The following RTL4 variants were observed in gnomAD, a reference collection of about 807,000 sequenced individuals.
The protein encoded by RTL4 is retrotransposon Gag like 4, also known as retrotransposon Gag-like protein 4.
In RTL4, 4 loss-of-function variants were observed where a neutral mutation model predicts 5.3. The ratio of observed to expected loss-of-function variants is 0.75; its 90% CI spans 0.37 to 1.72. The LOEUF is 1.72. RTL4 is among the 40% of genes most tolerant of loss of function. The probability of loss-of-function intolerance (pLI) is 0.04; values close to 1 mark genes in which losing one functional copy is unlikely to be tolerated. For synonymous variants in RTL4, 98 were observed against 87.3 expected, an observed-to-expected ratio of 1.12 and a Z score of -0.68; for missense variants, 260 against 227.1, an observed-to-expected ratio of 1.14 and a Z score of -0.93.
chrX:112,302,522 A>C, the RTL4 span, among the ~76,000 whole-genome samples: 1 of 112,299 alleles, frequency 8.9e-6, no homozygotes, highest in Non-Finnish European at 1.9e-5. Flanking sequence ...ATGGCTACAA[A>C]TAATGTAAAT....
chrX:112,169,002 TC>T, the RTL4 span, among the ~76,000 whole-genome samples: 10 of 103,561 alleles, frequency 9.7e-5, no homozygotes, highest in African/African-American at 2.5e-4. Flanking sequence ...TTCCTTTCTT[TC>T]CTTTCTTTCT....
the RTL4 span, among the ~76,000 whole-genome samples, chrX:112,177,587 C>T: frequency 9.2e-6 from 1 of 108,879 alleles, no homozygotes; most frequent in South Asian, 4.0e-4. Flanking sequence ...TTATTAATCC[C>T]TTGTTGGACG....
chrX:112,312,878 C>T, the RTL4 span, among the ~76,000 whole-genome samples: 2 of 110,861 alleles, frequency 1.8e-5, no homozygotes, highest in African/African-American at 6.6e-5. Context: ...TTTCTTCCCC[C>T]ATCCCTTTTC....
At chrX:112,203,654 A>G in the RTL4 span, among the ~76,000 whole-genome samples, 1 of 111,383 alleles carries the variant, frequency 9.0e-6, no homozygotes, top group Admixed American at 9.5e-5. Flanking sequence ...TGTATCAGCT[A>G]TATAGCTATA....
At chrX:112,124,182 G>A in the RTL4 span, among the ~76,000 whole-genome samples, 3 of 111,886 alleles carry the variant, frequency 2.7e-5, no homozygotes, top group South Asian at 3.7e-4. Context: ...AGATGCTGGC[G>A]AGGCTGTGGA....
the RTL4 span, among the ~76,000 whole-genome samples, chrX:112,343,977 T>A: frequency 8.9e-6 from 1 of 111,907 alleles, no homozygotes; most frequent in Non-Finnish European, 1.9e-5. Flanking sequence ...GAATAATGAG[T>A]GTTTTTTCTG....
chrX:112,345,666 G>C, the RTL4 span, among the ~76,000 whole-genome samples: 1 of 110,869 alleles, frequency 9.0e-6, no homozygotes, highest in African/African-American at 3.3e-5. Context: ...CTGGAGTTCA[G>C]AACTTTACCT....
the RTL4 span, among the ~76,000 whole-genome samples, chrX:112,284,568 A>T: frequency 9.0e-6 from 1 of 111,535 alleles, no homozygotes; most frequent in South Asian, 3.7e-4. Flanking sequence ...TCTCTAAACT[A>T]TGAAAAGCCC....
chrX:112,452,252 AGCT>A (rs1382726309), upstream of RTL4, among the ~76,000 whole-genome samples: 2 of 91,824 alleles, frequency 2.2e-5, no homozygotes, highest in African/African-American at 7.6e-5. Context: ...CACCACGCGC[AGCT>A]AATTTTTTTT....
the RTL4 span, among the ~76,000 whole-genome samples, chrX:112,242,712 G>T: frequency 5.4e-5 from 6 of 111,072 alleles, no homozygotes; most frequent in Non-Finnish European, 9.4e-5. Flanking sequence ...GATTTCCCTG[G>T]CCAGAACTTC....
At chrX:112,354,150 G>C in the RTL4 span, among the ~76,000 whole-genome samples, 3 of 111,160 alleles carry the variant, frequency 2.7e-5, no homozygotes, top group Non-Finnish European at 5.7e-5. Flanking sequence ...GGAATTACTT[G>C]AGGAAGCATT....
At chrX:112,222,351 G>A in the RTL4 span, among the ~76,000 whole-genome samples, 1 of 111,468 alleles carries the variant, frequency 9.0e-6, no homozygotes, top group Non-Finnish European at 1.9e-5. Context: ...TTATGGACTT[G>A]TGGAATCAGG....
upstream of RTL4, among the ~76,000 whole-genome samples, chrX:112,453,357 C>A (rs1569329287): frequency 8.9e-6 from 1 of 112,166 alleles, no homozygotes; most frequent in Non-Finnish European, 1.9e-5. Context: ...AGTTCAACTG[C>A]TATGCCATAT....
chrX:112,191,259 T>TA, the RTL4 span, among the ~76,000 whole-genome samples: 2 of 111,718 alleles, frequency 1.8e-5, no homozygotes, highest in Non-Finnish European at 3.8e-5. Flanking sequence ...TTCCCTCCCA[T>TA]AAAAAAAGGT....
At chrX:112,378,759 G>A in the RTL4 span, among the ~76,000 whole-genome samples, 1 of 111,816 alleles carries the variant, frequency 8.9e-6, no homozygotes, top group African/African-American at 3.3e-5. Context: ...GGCTATGCAC[G>A]GTCCAAATAC....
At chrX:112,114,129 C>T in the RTL4 span, among the ~76,000 whole-genome samples, 1 of 111,379 alleles carries the variant, frequency 9.0e-6, no homozygotes. Flanking sequence ...CATAGCCACT[C>T]GAGGAAGGCA....
At chrX:112,121,374 A>G in the RTL4 span, among the ~76,000 whole-genome samples, 3 of 111,945 alleles carry the variant, frequency 2.7e-5, no homozygotes, top group Admixed American at 9.5e-5. Flanking sequence ...CCTTATGCTG[A>G]TACACTAACA....
chrX:112,415,970 T>C, the RTL4 span, among the ~76,000 whole-genome samples: 3 of 111,873 alleles, frequency 2.7e-5, no homozygotes, highest in African/African-American at 9.7e-5. Context: ...AAATTTATTG[T>C]CTTACAGTTC....
At chrX:112,350,485 C>A in the RTL4 span, among the ~76,000 whole-genome samples, 724 of 109,568 alleles carry the variant, frequency 6.6e-3, 8 homozygotes, top group African/African-American at 0.023. Flanking sequence ...CTGTGAATCC[C>A]TCTGGTCCTG....
Sources: gnomAD v4.1 joint callset for allele counts (sites outside exome capture counted in the v4.1 genomes callset) on GRCh38, gnomAD v4.1.1 for gene constraint, MANE v1.5 for transcripts, NCBI Gene and HGNC (gene_info 2026-07-23, HGNC 2026-07-21) for gene names.